Variants in FARS2 observed in about 807,000 individuals in gnomAD.
FARS2 encodes phenylalanyl-tRNA synthetase 2, mitochondrial, also known as phenylalanine--tRNA ligase, mitochondrial.
Under a neutral mutation model 46.4 loss-of-function variants are expected in FARS2, and 40 were observed. The ratio of observed to expected loss-of-function variants is 0.86; its 90% CI spans 0.67 to 1.12. FARS2 has a LOEUF of 1.12. Ranked by LOEUF, FARS2 falls within the 50% of genes most tolerant of loss-of-function variation. The pLI is 0.00. For synonymous variants in FARS2, 234 were observed against 214.9 expected (o/e 1.09, Z -0.78); for missense variants, 513 against 567.9 (o/e 0.90, Z 0.98).
chr6:5,369,330 T>G (rs2127644826), intron 2 of FARS2, 148 bp downstream of exon 2: 1 of 759,790 alleles, frequency 1.3e-6, no homozygotes, highest in Non-Finnish European at 2.1e-6. Context: ...TGACATCTTG[T>G]GTATAGGTGT....
intron 5 of FARS2, among the ~76,000 whole-genome samples, chr6:5,568,650 A>G (rs192127728): frequency 9.2e-5 from 14 of 152,286 alleles, no homozygotes; most frequent in Admixed American, 8.5e-4. Flanking sequence ...TTTATAGCAG[A>G]GTGTGCTGAG....
chr6:5,532,777 T>TAAGAAGAAG (rs573860204), intron 4 of FARS2, among the ~76,000 whole-genome samples: 17 of 143,366 alleles, frequency 1.2e-4, no homozygotes, highest in African/African-American at 4.8e-4. Flanking sequence ...ATAATAATAA[T>TAAGAAGAAG]AATAATAAGA....
At chr6:5,757,903 C>G (rs1762291150) in intron 6 of FARS2, among the ~76,000 whole-genome samples, 1 of 152,240 alleles carries the variant, frequency 6.6e-6, no homozygotes, top group South Asian at 2.1e-4. Context: ...TGTGTGATGG[C>G]AAGGCCCAGA....
At chr6:5,675,207 C>T (rs1370391563) in intron 6 of FARS2, among the ~76,000 whole-genome samples, 1 of 94,040 alleles carries the variant, frequency 1.1e-5, no homozygotes, top group African/African-American at 3.0e-5. Flanking sequence ...TAGACACACA[C>T]ACACACACAC....
intron 5 of FARS2, among the ~76,000 whole-genome samples, chr6:5,561,620 A>T (rs1054932464): frequency 1.3e-5 from 2 of 152,020 alleles, no homozygotes; most frequent in African/African-American, 4.8e-5. Context: ...TTTTAATATG[A>T]TGCATTTTGG....
At chr6:5,691,406 C>G (rs1023014446) in intron 6 of FARS2, among the ~76,000 whole-genome samples, 4 of 152,196 alleles carry the variant, frequency 2.6e-5, no homozygotes, top group Non-Finnish European at 4.4e-5. Context: ...TTCCTTCTAA[C>G]AGTCAGGACC....
chr6:5,259,328 G>T (rs1764834508), upstream of FARS2, among the ~76,000 whole-genome samples: 1 of 151,082 alleles, frequency 6.6e-6, no homozygotes. Flanking sequence ...CTAGGTGTTT[G>T]GTTAATTCTT....
At chr6:5,557,590 CAT>C (rs779525243) in intron 5 of FARS2, among the ~76,000 whole-genome samples, 10 of 152,146 alleles carry the variant, frequency 6.6e-5, no homozygotes, top group African/African-American at 2.2e-4. Flanking sequence ...AACAATGCCA[CAT>C]GTGTACAATC....
At chr6:5,652,588 C>T (rs966830284) in intron 6 of FARS2, among the ~76,000 whole-genome samples, 1 of 152,220 alleles carries the variant, frequency 6.6e-6, no homozygotes, top group Non-Finnish European at 1.5e-5. Context: ...CAGAATGGCC[C>T]GACTGCCCTT....
intron 4 of FARS2, among the ~76,000 whole-genome samples, chr6:5,432,046 G>A (rs1002157046): frequency 6.7e-6 from 1 of 150,126 alleles, no homozygotes; most frequent in Non-Finnish European, 1.5e-5. Flanking sequence ...TTACAGGCTC[G>A]TGCACTTTAG....
At chr6:5,619,037 A>G (rs932172755) in intron 6 of FARS2, among the ~76,000 whole-genome samples, 5 of 152,180 alleles carry the variant, frequency 3.3e-5, no homozygotes, top group African/African-American at 1.2e-4. Context: ...TTATTCTGTA[A>G]CACCAGTTGC....
At chr6:5,284,024 CA>C (rs1328779787) in intron 1 of FARS2, among the ~76,000 whole-genome samples, 1 of 152,142 alleles carries the variant, frequency 6.6e-6, no homozygotes, top group Admixed American at 6.5e-5. Context: ...AGGTTTTTAC[CA>C]GCAATGCCTC....
chr6:5,368,638 T>A lies in FARS2; in HGVS notation c.68T>A (p.Ile23Asn), dbSNP rs1348616908. 6.2e-7 allele frequency: 1 copy of A among 1,614,092 alleles called. No individual in the cohort carries two copies. Among genetic ancestry groups the A allele is most frequent in the Non-Finnish European group, 8.5e-7 (1 of 1,179,996 alleles). Residue 23 changes from isoleucine (I) to asparagine (N), a missense_variant, in exon 2 of 7, where the codon ATC (isoleucine) becomes AAC (asparagine). Transcript: ENST00000274680. ...TACCTGGTGAGTAAGGCCAGTCACA[T>A]CTCCAGAGGCCATCAGCACCAGGCC... ...YVYLVSKASH[I>N]SRGHQHQAWG...
intron 2 of FARS2, among the ~76,000 whole-genome samples, chr6:5,375,499 C>A (rs1362731918): frequency 6.6e-6 from 1 of 151,974 alleles, no homozygotes; most frequent in South Asian, 2.1e-4. Context: ...AATTAATCTA[C>A]AAATCCAGCG....
chr6:5,365,101 G>A (rs1429288844), intron 1 of FARS2, among the ~76,000 whole-genome samples: 1 of 151,128 alleles, frequency 6.6e-6, no homozygotes, highest in South Asian at 2.1e-4. Flanking sequence ...AGACTACTGT[G>A]GGCAGATTTG....
chr6:5,428,127 T>G (rs932106827), intron 3 of FARS2, among the ~76,000 whole-genome samples: 2 of 152,200 alleles, frequency 1.3e-5, no homozygotes, highest in African/African-American at 4.8e-5. Flanking sequence ...TAGTTAGGGT[T>G]TAATAAACAT....
intron 6 of FARS2, among the ~76,000 whole-genome samples, chr6:5,748,310 C>G (rs1761752525): frequency 6.6e-6 from 1 of 152,180 alleles, no homozygotes; most frequent in Admixed American, 6.5e-5. Flanking sequence ...AAGTGTGTCT[C>G]AGGGACTCAT....
At chr6:5,453,894 T>C (rs1764659755) in intron 4 of FARS2, among the ~76,000 whole-genome samples, 1 of 152,190 alleles carries the variant, frequency 6.6e-6, no homozygotes, top group South Asian at 2.1e-4. Context: ...CCTGATTTAC[T>C]GCTGTGCACC....
intron 4 of FARS2, among the ~76,000 whole-genome samples, chr6:5,516,267 G>A (rs1446902681): frequency 3.9e-5 from 6 of 152,126 alleles, no homozygotes; most frequent in Non-Finnish European, 5.9e-5. Context: ...GAGTCACGTA[G>A]CCCCATTAGA....
Sources: gnomAD v4.1 joint callset for allele counts (sites outside exome capture counted in the v4.1 genomes callset) on GRCh38, gnomAD v4.1.1 for gene constraint, MANE v1.5 for transcripts, NCBI Gene and HGNC (gene_info 2026-07-23, HGNC 2026-07-21) for gene names.